The following MAML1 variants were observed in gnomAD, a reference collection of about 807,000 sequenced individuals.
MAML1 encodes mastermind like transcriptional coactivator 1.
In MAML1, 14 loss-of-function variants were observed where a neutral mutation model predicts 77.1. The ratio of observed to expected loss-of-function variants is 0.18; its 90% CI spans 0.12 to 0.28. The LOEUF (loss-of-function observed/expected upper bound fraction) is 0.28. Among genes scored for constraint, MAML1 ranks in the 10% least tolerant of loss-of-function variants. The probability of loss-of-function intolerance (pLI) is 1.00; values close to 1 mark genes in which losing one functional copy is unlikely to be tolerated. For missense variants in MAML1, 1,217 were observed against 1,327.8 expected (o/e 0.92, Z 1.30); for synonymous variants, 516 against 551.9 (o/e 0.93, Z 0.91).
chr5:179,736,070 G>A (rs1779162961), intron 1 of MAML1, among the ~76,000 whole-genome samples: 1 of 152,140 alleles, frequency 6.6e-6, no homozygotes, highest in Non-Finnish European at 1.5e-5. Context: ...GAGGCAGGGA[G>A]GGCTCACACT....
At chr5:179,773,766 T>C (rs1756057578) in intron 4 of MAML1, 129 bp from the exon 5 acceptor site, 1 of 1,499,336 alleles carries the variant, frequency 6.7e-7, no homozygotes, top group Non-Finnish European at 8.8e-7. Flanking sequence ...GAAGGCTTTC[T>C]GCCCCATGGC....
At chr5:179,767,661 G>A (rs1007315257) in intron 2 of MAML1, among the ~76,000 whole-genome samples, 3 of 152,158 alleles carry the variant, frequency 2.0e-5, no homozygotes, top group East Asian at 1.9e-4. Context: ...GATGTCTCAC[G>A]CCGTTCAGCA....
rs899173948 is a variant in MAML1 at position 179,732,964 on chromosome 5, C to G, written c.-149C>G. 5.0e-6 allele frequency: 2 copies of G among 400,910 alleles called. No individual in the cohort carries two copies. Among genetic ancestry groups the G allele is most frequent in the African/African-American group, 4.3e-5 (2 of 46,958 alleles). The allele number at this position is 400,910 out of a possible 1,614,324, so 24.8% of individuals were successfully genotyped here. A position where few individuals can be genotyped will look rare whatever the true frequency, so the allele number is the denominator to read the frequency against. ...CGGGCCGAGCGGGGCAGGAGGAAAACCCGCCGCCGCGCGCGAGCCCGCTCC... is the reference window on the plus strand; with the variant it reads ...CGGGCCGAGCGGGGCAGGAGGAAAAGCCGCCGCCGCGCGCGAGCCCGCTCC... On this transcript the variant is annotated 5_prime_UTR_variant, in exon 1 of 5. Transcript: ENST00000292599.
chr5:179,774,978 G>T lies in MAML1; in HGVS notation c.*101G>T. On this transcript the variant is annotated 3_prime_UTR_variant, in exon 5 of 5. Coordinates refer to ENST00000292599, the MANE Select transcript of MAML1 (RefSeq NM_014757.5). The stretch of plus-strand genomic sequence containing the variant: ...TTTGGACCAAAAGCCCATGGCCTGG[G>T]GAGCTGGGCAGGTAGAGCCCAAGCT... 1 of 1,498,362 alleles carries T rather than the reference G, an allele frequency of 6.7e-7. No individual in the cohort carries two copies. The highest frequency in any genetic ancestry group is 8.8e-7 in the Non-Finnish European group (1 of 1,132,390). 92.8% of individuals were successfully genotyped at this position (1,498,362 alleles called of 1,614,324 possible). A position where few individuals can be genotyped will look rare whatever the true frequency, so the allele number is the denominator to read the frequency against.
Position 179,775,303 on chromosome 5 carries a change from T to C in MAML1, c.*426T>C. On this transcript the variant is annotated 3_prime_UTR_variant, in exon 5 of 5. Transcript: ENST00000292599. ...GTTGAAACTTTAGATAGCAGAATTA[T>C]TTGCAATTTGTAGCATAGAAAAGAT... 1 of 991,102 alleles carries C rather than the reference T, an allele frequency of 1.0e-6. No homozygotes were observed. Among genetic ancestry groups the C allele is most frequent in the Non-Finnish European group, 1.2e-6 (1 of 834,002 alleles). The allele number at this position is 991,102 out of a possible 1,614,324, so 61.4% of individuals were successfully genotyped here. A position where few individuals can be genotyped will look rare whatever the true frequency, so the allele number is the denominator to read the frequency against.
In MAML1 at chr5:179,775,637, G is replaced by C. The variant is rs1439785967; in HGVS notation, c.*760G>C. On this transcript the variant is annotated 3_prime_UTR_variant, in exon 5 of 5. Coordinates refer to ENST00000292599, the MANE Select transcript of MAML1 (RefSeq NM_014757.5). ...AGGAATCCCTTCCTCCCATGTCCTG[G>C]CAGCAGGACCCCAGGCTACATATGG... is the stretch of plus-strand genomic sequence containing the variant. The C allele has an allele frequency of 1.0e-6, 1 of 985,280 alleles. No individual in the cohort carries two copies. The highest frequency in any genetic ancestry group is 1.7e-5 in the African/African-American group (1 of 57,188). The allele number at this position is 985,280 out of a possible 1,614,324, so 61.0% of individuals were successfully genotyped here. A position where few individuals can be genotyped will look rare whatever the true frequency, so the allele number is the denominator to read the frequency against.
At chr5:179,764,988 T>A (rs200962449) in intron 1 of MAML1, among the ~76,000 whole-genome samples, 12 of 105,400 alleles carry the variant, frequency 1.1e-4, no homozygotes, top group South Asian at 3.9e-4. Context: ...ATATATATAA[T>A]ATATATATGT....
intron 1 of MAML1, among the ~76,000 whole-genome samples, chr5:179,762,435 C>T (rs1409280617): frequency 2.6e-5 from 4 of 152,048 alleles, no homozygotes; most frequent in South Asian, 2.1e-4. Context: ...CTTAGGTCAG[C>T]GGGGTGTCTT....
At position 179,774,737 on chromosome 5, in the gene MAML1, C is replaced by T. The variant is rs762897383; in HGVS notation, c.2911C>T (p.Pro971Ser). 4 of 1,612,430 alleles carry T rather than the reference C, an allele frequency of 2.5e-6. No individual in the cohort carries two copies. Among genetic ancestry groups the T allele is most frequent in the South Asian group, 1.1e-5 (1 of 91,090 alleles). ...YPVRTAGQEL[P>S]FAYSGQPGGS... Reference sequence around the variant, plus strand: ...TGTGCGGACCGCGGGCCAGGAGCTGCCTTTTGCCTATAGCGGGCAGCCAGG... The same window carrying T: ...TGTGCGGACCGCGGGCCAGGAGCTGTCTTTTGCCTATAGCGGGCAGCCAGG... The change falls in exon 5 of 5, where the codon CCT becomes TCT. Residue 971 changes from proline (P) to serine (S), a missense_variant. Physicochemically the swap from Pro to Ser is moderately conservative, Grantham distance 74. Around this residue, in one of 3 missense-constraint regions of MAML1, gnomAD observed 884 missense variants for 949.3 expected, o/e 0.93. Coordinates refer to ENST00000292599, the MANE Select transcript of MAML1 (RefSeq NM_014757.5).
Position 179,776,795 on chromosome 5 carries a change from A to T in MAML1, c.*1918A>T. 1 of 985,942 alleles carries T rather than the reference A, an allele frequency of 1.0e-6. No individual in the cohort carries two copies. The highest frequency in any genetic ancestry group is 6.1e-5 in the Admixed American group (1 of 16,294). The allele number at this position is 985,942 out of a possible 1,614,324, so 61.1% of individuals were successfully genotyped here. Reference sequence around the variant, plus strand: ...ACAGTGGGGGCTCCTCACTTGCTGCAGTGTCATAGCAATAAAATGTGATTC... The same window carrying T: ...ACAGTGGGGGCTCCTCACTTGCTGCTGTGTCATAGCAATAAAATGTGATTC... On this transcript the variant is annotated 3_prime_UTR_variant, in exon 5 of 5. Coordinates refer to ENST00000292599, the MANE Select transcript of MAML1 (RefSeq NM_014757.5).
intron 1 of MAML1, 42 bp downstream of exon 1, chr5:179,733,469 C>T (rs1779109135): frequency 9.2e-6 from 10 of 1,085,652 alleles, no homozygotes; most frequent in Middle Eastern, 4.1e-4. Context: ...GCGGCAGCCC[C>T]CTCTCCCGAA....
intron 1 of MAML1, among the ~76,000 whole-genome samples, chr5:179,738,593 T>C (rs1031877644): frequency 6.6e-6 from 1 of 152,118 alleles, no homozygotes; most frequent in African/African-American, 2.4e-5. Flanking sequence ...ACAAATATTC[T>C]CCACACTGAC....
chr5:179,775,467 A>T lies in MAML1; in HGVS notation c.*590A>T. The T allele has an allele frequency of 2.0e-6, 2 of 985,208 alleles. No homozygotes were observed. Among genetic ancestry groups the T allele is most frequent in the Non-Finnish European group, 2.4e-6 (2 of 829,886 alleles). The allele number at this position is 985,208 out of a possible 1,614,324, so 61.0% of individuals were successfully genotyped here. On this transcript the variant is annotated 3_prime_UTR_variant, in exon 5 of 5. Transcript: ENST00000292599. ...TCTGCTCTTTGTCAGCTTTCAGGGG[A>T]GAAGGAGGCCACTGGAAAATTATTT...
chr5:179,743,364 CTTTT>C (rs1187480234), intron 1 of MAML1, among the ~76,000 whole-genome samples: 2 of 91,764 alleles, frequency 2.2e-5, no homozygotes, highest in Non-Finnish European at 2.1e-5. Flanking sequence ...CTGCCCCACG[CTTTT>C]TTTTTTTTTT....
chr5:179,775,120 C>T lies in MAML1; in HGVS notation c.*243C>T. 1 of 1,297,452 alleles carries T rather than the reference C, an allele frequency of 7.7e-7. No individual in the cohort carries two copies. Among genetic ancestry groups the T allele is most frequent in the Non-Finnish European group, 9.8e-7 (1 of 1,021,840 alleles). The allele number at this position is 1,297,452 out of a possible 1,614,324, so 80.4% of individuals were successfully genotyped here. On this transcript the variant is annotated 3_prime_UTR_variant, in exon 5 of 5. Coordinates refer to ENST00000292599, the MANE Select transcript of MAML1 (RefSeq NM_014757.5). Reference sequence around the variant, plus strand: ...GCATCAGTACCTGGTGTTGGGACAGCAGGATAGGGTTCTAAAGGTGGTTTT... The same window carrying T: ...GCATCAGTACCTGGTGTTGGGACAGTAGGATAGGGTTCTAAAGGTGGTTTT...
At position 179,771,044 on chromosome 5, in the gene MAML1, G is replaced by A. The variant is rs559912607; in HGVS notation, c.1972-103G>A. 18 of 815,486 alleles carry A rather than the reference G, an allele frequency of 2.2e-5. No homozygotes were observed. Among genetic ancestry groups the A allele is most frequent in the South Asian group, 1.9e-4 (13 of 68,858 alleles). 50.5% of individuals were successfully genotyped at this position (815,486 alleles called of 1,614,324 possible). ...TATTTCCACAGGAGCCCATTTGTGA[G>A]TAACAAACTTGGATAAGTTACTTTT... On this transcript the variant is annotated intron_variant, in intron 3 of 4. Transcript: ENST00000292599. This position sits in a 1 kb window ranked among gnomAD's most constrained non-coding sequence, Gnocchi z 4.7.
chr5:179,752,927 T>C (rs752265932), intron 1 of MAML1, among the ~76,000 whole-genome samples: 1 of 152,132 alleles, frequency 6.6e-6, no homozygotes, highest in Admixed American at 6.6e-5. Flanking sequence ...GCACCCGCCA[T>C]CATGCCCAGC....
Position 179,776,356 on chromosome 5 carries a change from G to A in MAML1, c.*1479G>A, listed in dbSNP as rs558124638. 2.5e-5 allele frequency: 25 copies of A among 985,866 alleles called. No homozygotes were observed. The highest frequency in any genetic ancestry group is 5.2e-4 in the Middle Eastern group (1 of 1,914). The allele number at this position is 985,866 out of a possible 1,614,324, so 61.1% of individuals were successfully genotyped here. A position where few individuals can be genotyped will look rare whatever the true frequency, so the allele number is the denominator to read the frequency against. On this transcript the variant is annotated 3_prime_UTR_variant, in exon 5 of 5. Transcript: ENST00000292599. ...AATACTCATGCAACCAGCCTGAGTC[G>A]CGGTGAGGGGACGAGAGGTTGTACA...
At position 179,775,199 on chromosome 5, in the gene MAML1, G is replaced by C; in HGVS notation, c.*322G>C. On this transcript the variant is annotated 3_prime_UTR_variant, in exon 5 of 5. Transcript: ENST00000292599. ...AACACCAGTGAAACCCCACACTGTC[G>C]GGCTTATAAAAATCTGTGCCATCAT... 9.4e-7 allele frequency: 1 copy of C among 1,063,460 alleles called. No individual in the cohort carries two copies. Among genetic ancestry groups the C allele is most frequent in the East Asian group, 6.7e-5 (1 of 14,844 alleles). 65.9% of individuals were successfully genotyped at this position (1,063,460 alleles called of 1,614,324 possible).
Sources: gnomAD v4.1 joint callset for allele counts (sites outside exome capture counted in the v4.1 genomes callset) on GRCh38, gnomAD v4.1.1 for gene constraint, gnomAD v4.1.1 regional missense constraint, Gnocchi (gnomAD v3.1) non-coding constraint, MANE v1.5 for transcripts, NCBI Gene and HGNC (gene_info 2026-07-23, HGNC 2026-07-21) for gene names.